The following PDE4B variants were observed in gnomAD, a reference collection of about 807,000 sequenced individuals.
The protein encoded by PDE4B is phosphodiesterase 4B.
Under a neutral mutation model 82.2 loss-of-function variants are expected in PDE4B, and 20 were observed. That is an observed-to-expected ratio of 0.24 (90% CI 0.17 to 0.35). PDE4B has a LOEUF of 0.35. PDE4B is among the 10% of genes least tolerant of loss of function. PDE4B has a pLI of 1.00. For missense variants in PDE4B, 655 were observed against 907.2 expected (o/e 0.72, Z 3.57); for synonymous variants, 320 against 318.9 (o/e 1.00, Z -0.04).
intron 3 of PDE4B, among the ~76,000 whole-genome samples, chr1:66,189,728 A>G (rs1032087688): frequency 6.6e-6 from 1 of 151,926 alleles, no homozygotes; most frequent in Admixed American, 6.5e-5. Flanking sequence ...CTAGTTGGCC[A>G]TTCATCTAAT....
intron 3 of PDE4B, among the ~76,000 whole-genome samples, chr1:66,118,490 A>T (rs144218732): frequency 0.062 from 9,388 of 151,682 alleles, 423 homozygotes; most frequent in South Asian, 0.17. Flanking sequence ...CAAACACCGC[A>T]TGTTCTCACT....
At chr1:66,364,550 C>T (rs1663080789) in intron 12 of PDE4B, among the ~76,000 whole-genome samples, 6 of 152,150 alleles carry the variant, frequency 3.9e-5, no homozygotes, top group Admixed American at 2.6e-4. Context: ...CCAGCCTCAC[C>T]TTTACAGATT....
intron 7 of PDE4B, among the ~76,000 whole-genome samples, chr1:66,316,552 G>A (rs182328595): frequency 3.9e-5 from 6 of 152,302 alleles, no homozygotes; most frequent in Admixed American, 3.9e-4. Flanking sequence ...TTACAGTCCT[G>A]TCTGTATGTG....
chr1:66,069,832 C>A (rs1656059303), intron 3 of PDE4B, among the ~76,000 whole-genome samples: 1 of 151,894 alleles, frequency 6.6e-6, no homozygotes, highest in Non-Finnish European at 1.5e-5. Context: ...TCACTTAAAC[C>A]ATTTTGGGTG....
chr1:65,949,499 A>G (rs77577106), intron 3 of PDE4B, among the ~76,000 whole-genome samples: 2,443 of 152,212 alleles, frequency 0.016, 62 homozygotes, highest in African/African-American at 0.057. Flanking sequence ...ACTATATTGC[A>G]AAACACTCCC....
At chr1:65,989,390 A>G (rs1477674671) in intron 3 of PDE4B, among the ~76,000 whole-genome samples, 1 of 151,946 alleles carries the variant, frequency 6.6e-6, no homozygotes, top group African/African-American at 2.4e-5. Context: ...AATCTCAGCT[A>G]CTCAGGAGGT....
intron 7 of PDE4B, among the ~76,000 whole-genome samples, chr1:66,306,484 G>A (rs1658287709): frequency 6.6e-6 from 1 of 152,082 alleles, no homozygotes; most frequent in African/African-American, 2.4e-5. Flanking sequence ...AAACTCCGGA[G>A]CCTGCCAACT....
chr1:66,022,656 C>A (rs995000508), intron 3 of PDE4B, among the ~76,000 whole-genome samples: 5 of 152,126 alleles, frequency 3.3e-5, no homozygotes, highest in Non-Finnish European at 7.4e-5. Flanking sequence ...AGGGATGAAA[C>A]CAACTTGATT....
intron 7 of PDE4B, among the ~76,000 whole-genome samples, chr1:66,321,084 A>T (rs1396343209): frequency 6.6e-6 from 1 of 152,180 alleles, no homozygotes; most frequent in Non-Finnish European, 1.5e-5. Flanking sequence ...AAGCCATCTT[A>T]TGGTTAGAAT....
At chr1:66,233,746 T>C (rs1652179582) in intron 3 of PDE4B, among the ~76,000 whole-genome samples, 1 of 152,090 alleles carries the variant, frequency 6.6e-6, no homozygotes, top group South Asian at 2.1e-4. Context: ...TATCAAATGC[T>C]TTTTTCTTCA....
chr1:66,135,614 G>A (rs1483994794), intron 3 of PDE4B, among the ~76,000 whole-genome samples: 1 of 152,096 alleles, frequency 6.6e-6, no homozygotes, highest in Admixed American at 6.5e-5. Flanking sequence ...TTTAGTTTGG[G>A]GTGCTCAATT....
chr1:66,098,331 G>A (rs1480887392), intron 3 of PDE4B, among the ~76,000 whole-genome samples: 3 of 152,044 alleles, frequency 2.0e-5, no homozygotes, highest in African/African-American at 7.2e-5. Flanking sequence ...TCTCTGTCTG[G>A]GTTCCCCATC....
chr1:65,998,308 A>G (rs1055553632), intron 3 of PDE4B, among the ~76,000 whole-genome samples: 6 of 152,088 alleles, frequency 3.9e-5, no homozygotes, highest in Admixed American at 6.6e-5. Context: ...CAGCCTAAGG[A>G]TGCAAGGTGG....
intron 7 of PDE4B, among the ~76,000 whole-genome samples, chr1:66,311,579 A>G (rs1570670855): frequency 6.6e-6 from 1 of 152,184 alleles, no homozygotes; most frequent in Non-Finnish European, 1.5e-5. Flanking sequence ...GCTTGAGAGA[A>G]CTTCTGGCTG....
chr1:66,236,085 G>A lies in PDE4B; in HGVS notation c.282-11375G>A, dbSNP rs1021181724. Among the ~76,000 whole-genome samples, 7 of 151,876 alleles carry A rather than the reference G, an allele frequency of 4.6e-5. No homozygotes were observed. In the East Asian group the frequency reaches 7.7e-4, roughly 17 times the overall value. On this transcript the variant is annotated intron_variant, in intron 3 of 16. Coordinates refer to ENST00000341517, the MANE Select transcript of PDE4B (RefSeq NM_002600.4). ...GAGGAAGTTTCAGGCTAAATTTAGC[G>A]GTTCATTATATGCTTTTTCCTCTTT...
At chr1:66,145,709 C>G (rs1646255481) in intron 3 of PDE4B, among the ~76,000 whole-genome samples, 1 of 152,136 alleles carries the variant, frequency 6.6e-6, no homozygotes, top group South Asian at 2.1e-4. Flanking sequence ...TCCGCAAAAG[C>G]TTTTATGCCT....
At chr1:65,871,012 A>G (rs3924049) in intron 1 of PDE4B, among the ~76,000 whole-genome samples, 96,245 of 151,954 alleles carry the variant, frequency 0.63, 31,208 homozygotes, top group African/African-American at 0.76. Context: ...CTTCAGCCCC[A>G]GGGTATGATC....
rs148422260 is a variant in PDE4B, at chr1:66,217,298, T to C, written c.282-30162T>C. Among the ~76,000 whole-genome samples the C allele has an allele frequency of 1.4e-3, 211 of 152,224 alleles. 3 individuals are homozygous for C. The East Asian group carries it at 0.035, about 25-fold the overall frequency. ...TTGTAAATGACACTTGATAAAGGTA[T>C]TCACAGAAGTGTAGGCAAGGATATT... On this transcript the variant is annotated intron_variant, in intron 3 of 16. Coordinates refer to ENST00000341517, the MANE Select transcript of PDE4B (RefSeq NM_002600.4).
chr1:66,368,226 C>A, intron 15 of PDE4B, 161 bp downstream of exon 15: 1 of 612,688 alleles, frequency 1.6e-6, no homozygotes, highest in South Asian at 2.7e-5. Context: ...AATGGACATT[C>A]AAGTTTATCT....
Sources: gnomAD v4.1 joint callset for allele counts (sites outside exome capture counted in the v4.1 genomes callset) on GRCh38, gnomAD v4.1.1 for gene constraint, MANE v1.5 for transcripts, NCBI Gene and HGNC (gene_info 2026-07-23, HGNC 2026-07-21) for gene names.